The following GOLGA3 variants were observed in gnomAD, a reference collection of about 807,000 sequenced individuals.
GOLGA3 encodes golgin A3.
GOLGA3 carries 75 observed loss-of-function variants against 169.4 expected under a neutral mutation model. The observed-to-expected ratio is 0.44, with a 90% CI of 0.37 to 0.54. The LOEUF (loss-of-function observed/expected upper bound fraction) is 0.54. GOLGA3 is among the 20% of genes least tolerant of loss of function. The probability of loss-of-function intolerance (pLI) is 0.00; values close to 1 mark genes in which losing one functional copy is unlikely to be tolerated. For missense variants in GOLGA3, 1,899 were observed against 1,930.0 expected (o/e 0.98, Z 0.30); for synonymous variants, 824 against 822.4 (o/e 1.00, Z -0.03).
At position 132,777,902 on chromosome 12, in the gene GOLGA3, C is replaced by G; in HGVS notation, c.3583-97G>C. Reference sequence around the variant, plus strand: ...GGGTGAATGCACTCCCGGCCCCGTGCATGTCCTGGCTGCCGGCGTGTGCTT... The same window carrying G: ...GGGTGAATGCACTCCCGGCCCCGTGGATGTCCTGGCTGCCGGCGTGTGCTT... On this transcript the variant is annotated intron_variant, in intron 18 of 23. Coordinates refer to ENST00000450791, the MANE Select transcript of GOLGA3 (RefSeq NM_001389683.1). The surrounding 1 kb of genome is among the most constrained non-coding windows in gnomAD (Gnocchi z 4.7). The G allele has an allele frequency of 1.5e-6, 2 of 1,319,720 alleles. No individual in the cohort carries two copies. The highest frequency in any genetic ancestry group is 2.1e-6 in the Non-Finnish European group (2 of 963,888). 81.8% of individuals were successfully genotyped at this position (1,319,720 alleles called of 1,614,324 possible). A position where few individuals can be genotyped will look rare whatever the true frequency, so the allele number is the denominator to read the frequency against.
At chr12:132,776,151 ACACAGG>A (rs2045218016) in intron 21 of GOLGA3, among the ~76,000 whole-genome samples, 1 of 91,832 alleles carries the variant, frequency 1.1e-5, no homozygotes, top group East Asian at 3.1e-4. Flanking sequence ...AGCACCTCAT[ACACAGG>A]TACCTGCAGC....
At chr12:132,806,957 G>T (rs1233059695) in intron 6 of GOLGA3, among the ~76,000 whole-genome samples, 1 of 151,990 alleles carries the variant, frequency 6.6e-6, no homozygotes, top group Admixed American at 6.6e-5. Context: ...TGGTAGAGAC[G>T]CAGGGAGAAA....
At chr12:132,773,710 G>A (rs1283898531) in intron 23 of GOLGA3, among the ~76,000 whole-genome samples, 1 of 152,198 alleles carries the variant, frequency 6.6e-6, no homozygotes, top group African/African-American at 2.4e-5. Context: ...CAGGCTGTGT[G>A]TGCGAGTTCC....
chr12:132,773,019 T>G lies in GOLGA3; in HGVS notation c.*86A>C. The G allele has an allele frequency of 9.8e-7, 1 of 1,023,496 alleles. No individual in the cohort carries two copies. The highest frequency in any genetic ancestry group is 1.4e-6 in the Non-Finnish European group (1 of 723,208). The allele number at this position is 1,023,496 out of a possible 1,614,324, so 63.4% of individuals were successfully genotyped here. A position where few individuals can be genotyped will look rare whatever the true frequency, so the allele number is the denominator to read the frequency against. On this transcript the variant is annotated 3_prime_UTR_variant, in exon 24 of 24. Coordinates refer to ENST00000450791, the MANE Select transcript of GOLGA3 (RefSeq NM_001389683.1). ...AAAACAAAACTTAAATTTCATGTCT[T>G]AGAAAAACATCGACCACACAATCAA... is the stretch of plus-strand genomic sequence containing the variant.
At chr12:132,815,795 C>G (rs1274187385) in intron 3 of GOLGA3, among the ~76,000 whole-genome samples, 2 of 152,200 alleles carry the variant, frequency 1.3e-5, no homozygotes, top group Non-Finnish European at 2.9e-5. Context: ...AGCTACTTGA[C>G]AGCAGAGGCA....
Position 132,801,982 on chromosome 12 carries a change from A to G in GOLGA3, c.1598-13T>C. The G allele has an allele frequency of 6.3e-7, 1 of 1,590,898 alleles. No homozygotes were observed. Among genetic ancestry groups the G allele is most frequent in the South Asian group, 1.1e-5 (1 of 90,826 alleles). ...CGCAGGTCGTGCACTGAAATGGGGCAAGCACAGCGGCTCAGGCCAGCGACG... is the reference window on the plus strand; with the variant it reads ...CGCAGGTCGTGCACTGAAATGGGGCGAGCACAGCGGCTCAGGCCAGCGACG... On this transcript the variant is annotated splice_polypyrimidine_tract_variant and intron_variant, in intron 7 of 23. Coordinates refer to ENST00000450791, the MANE Select transcript of GOLGA3 (RefSeq NM_001389683.1).
intron 11 of GOLGA3, among the ~76,000 whole-genome samples, chr12:132,792,824 G>A (rs1378842830): frequency 2.7e-5 from 3 of 112,106 alleles, no homozygotes; most frequent in African/African-American, 3.5e-5. Flanking sequence ...ATCTCCACTC[G>A]GAGGGCTCCA....
rs1949302946 is a variant in GOLGA3, at chr12:132,804,681, CA to C, written c.1597+34del. 2 of 1,547,192 alleles carry C rather than the reference CA, an allele frequency of 1.3e-6. No homozygotes were observed. The highest frequency in any genetic ancestry group is 2.7e-5 in the African/African-American group (2 of 73,742). ...GGAGGAGGGAGCAGCAGGGACCAGT[CA>C]GGGAGGGGAGGGCGTGGCCAGGGCC... On this transcript the variant is annotated intron_variant, in intron 7 of 23. Coordinates refer to ENST00000450791, the MANE Select transcript of GOLGA3 (RefSeq NM_001389683.1). This position sits in a 1 kb window ranked among gnomAD's most constrained non-coding sequence, Gnocchi z 4.1.
At position 132,795,873 on chromosome 12, in the gene GOLGA3, TTCTTC is replaced by T; in HGVS notation, c.2443_2447del (p.Glu815IlefsTer52). On this transcript the variant is annotated frameshift_variant, in exon 11 of 24. Coordinates refer to ENST00000450791, the MANE Select transcript of GOLGA3 (RefSeq NM_001389683.1). LOFTEE classifies it high-confidence loss of function. The stretch of plus-strand genomic sequence containing the variant: ...TTACCTGGCCGGATTTGATAGCTAA[TTCTTC>T]TCTTAACTTCTCTAAAGTTTCCGAC... 2 of 1,613,140 alleles carry T rather than the reference TTCTTC, an allele frequency of 1.2e-6. No homozygotes were observed. Among genetic ancestry groups the T allele is most frequent in the Non-Finnish European group, 1.7e-6 (2 of 1,179,124 alleles).
intron 4 of GOLGA3, among the ~76,000 whole-genome samples, chr12:132,809,404 C>T (rs1459720397): frequency 6.6e-6 from 1 of 152,170 alleles, no homozygotes; most frequent in East Asian, 1.9e-4. Context: ...CTAAACTCCC[C>T]CGGGGAAAGG....
At chr12:132,823,248 C>T (rs1330641270) in intron 1 of GOLGA3, among the ~76,000 whole-genome samples, 2 of 152,244 alleles carry the variant, frequency 1.3e-5, no homozygotes, top group African/African-American at 4.8e-5. Context: ...CAAAACTTTG[C>T]CCAACATTTG....
At chr12:132,814,662 C>T (rs1949877207) in intron 3 of GOLGA3, among the ~76,000 whole-genome samples, 1 of 152,234 alleles carries the variant, frequency 6.6e-6, no homozygotes, top group Non-Finnish European at 1.5e-5. Flanking sequence ...AGCCTGGCGC[C>T]AGGCCTCACT....
At position 132,808,137 on chromosome 12, in the gene GOLGA3, T is replaced by C. The variant is rs760394537; in HGVS notation, c.932A>G (p.Asp311Gly). 1 of 1,609,304 alleles carries C rather than the reference T, an allele frequency of 6.2e-7. No individual in the cohort carries two copies. The highest frequency in any genetic ancestry group is 1.7e-5 in the Admixed American group (1 of 59,700). ...SLAGDSVSEV[D>G]GNDSDSSSYS... ...CGATGAGCTGTCGCTGTCATTTCCA[T>C]CCACCTCAGACACGCTGTCTCCAGC... is the stretch of plus-strand genomic sequence containing the variant. The change falls in exon 5 of 24, where the codon GAT becomes GGT. Residue 311 changes from aspartate (D) to glycine (G), a missense_variant. Coordinates refer to ENST00000450791, the MANE Select transcript of GOLGA3 (RefSeq NM_001389683.1).
intron 17 of GOLGA3, among the ~76,000 whole-genome samples, chr12:132,781,839 A>C (rs989238843): frequency 4.6e-5 from 7 of 152,146 alleles, no homozygotes; most frequent in Non-Finnish European, 7.4e-5. Context: ...CCTCTTGTTA[A>C]GTGCCCCCTA....
intron 2 of GOLGA3, among the ~76,000 whole-genome samples, 187 bp downstream of exon 2, chr12:132,821,809 A>G (rs11147096): frequency 0.36 from 46,682 of 128,570 alleles, 10,365 homozygotes; most frequent in Middle Eastern, 0.58. Context: ...AGCCGAGATC[A>G]CGCCACTGCA....
In GOLGA3 at chr12:132,801,913, G is replaced by T. The variant is rs140816650; in HGVS notation, c.1654C>A (p.Leu552Met). 6.2e-7 allele frequency: 1 copy of T among 1,602,032 alleles called. No individual in the cohort carries two copies. The highest frequency in any genetic ancestry group is 1.7e-5 in the Admixed American group (1 of 60,032). Residue 552 changes from leucine (L) to methionine (M), a missense_variant, in exon 8 of 24, where the codon CTG becomes ATG. Leu to Met is a conservative substitution (Grantham distance 15). Transcript: ENST00000450791. ...TTGCTGGTCAGCGTCGTCCGCTCCAGCTGCACCTGCTGAAGCTGGCTCTGC... is the reference window on the plus strand; with the variant it reads ...TTGCTGGTCAGCGTCGTCCGCTCCATCTGCACCTGCTGAAGCTGGCTCTGC... Reference protein sequence around the residue: ...ALQSQLQQVQLERTTLTSKLK... With the variant: ...ALQSQLQQVQMERTTLTSKLK...
rs749007671 is a variant in GOLGA3 at position 132,791,345 on chromosome 12, C to CT, written c.2470-53dup. ...ACACTGACGGCTCCAGGAGGGGAAT[C>CT]TGTCTGCACAGATGTTACACTGAAG... On this transcript the variant is annotated intron_variant, in intron 11 of 23. Transcript: ENST00000450791. 27 of 1,000,944 alleles carry CT rather than the reference C, an allele frequency of 2.7e-5. 1 individual carries two copies. The South Asian group carries it at 3.7e-4, about 14-fold the overall frequency. 62.0% of individuals were successfully genotyped at this position (1,000,944 alleles called of 1,614,324 possible). A position where few individuals can be genotyped will look rare whatever the true frequency, so the allele number is the denominator to read the frequency against.
rs765919118 is a variant in GOLGA3 at position 132,822,146 on chromosome 12, C to G, written c.-18G>C. 2 of 1,592,318 alleles carry G rather than the reference C, an allele frequency of 1.3e-6. No homozygotes were observed. Among genetic ancestry groups the G allele is most frequent in the African/African-American group, 1.4e-5 (1 of 73,082 alleles). ...CCGTCCATGGTCAGGACGACACCAG[C>G]TGAGCTGACGCTGAGGGGCTACAAG... On this transcript the variant is annotated 5_prime_UTR_variant, in exon 2 of 24. Coordinates refer to ENST00000450791, the MANE Select transcript of GOLGA3 (RefSeq NM_001389683.1).
chr12:132,820,783 A>G (rs1381490996), intron 2 of GOLGA3, among the ~76,000 whole-genome samples: 1 of 152,044 alleles, frequency 6.6e-6, no homozygotes, highest in East Asian at 1.9e-4. Context: ...AGCTATTACA[A>G]ATTCAGCAAC....
Sources: gnomAD v4.1 joint callset for allele counts (sites outside exome capture counted in the v4.1 genomes callset) on GRCh38, gnomAD v4.1.1 for gene constraint, Gnocchi (gnomAD v3.1) non-coding constraint, MANE v1.5 for transcripts, NCBI Gene and HGNC (gene_info 2026-07-23, HGNC 2026-07-21) for gene names.